ZFYVE9: variants seen among roughly 807,000 people sequenced by gnomAD.
The protein encoded by ZFYVE9 is zinc finger FYVE-type containing 9, also known as zinc finger FYVE domain-containing protein 9.
ZFYVE9 carries 43 observed loss-of-function variants against 126.7 expected under a neutral mutation model. That is an observed-to-expected ratio of 0.34 (90% CI 0.27 to 0.44). ZFYVE9 has a LOEUF of 0.44. ZFYVE9 is among the 20% of genes least tolerant of loss of function. The pLI is 1.00. For synonymous variants in ZFYVE9, 521 were observed against 597.4 expected, an observed-to-expected ratio of 0.87 and a Z score of 1.87; for missense variants, 1,476 against 1,697.0, an observed-to-expected ratio of 0.87 and a Z score of 2.29.
intron 18 of ZFYVE9, among the ~76,000 whole-genome samples, chr1:52,345,371 T>C (rs1208501922): frequency 6.6e-6 from 1 of 152,204 alleles, no homozygotes; most frequent in Non-Finnish European, 1.5e-5. Context: ...AGCAAGCTGC[T>C]TCTGGCCTGA....
At chr1:52,222,698 G>A (rs1645135069) in intron 2 of ZFYVE9, among the ~76,000 whole-genome samples, 1 of 152,206 alleles carries the variant, frequency 6.6e-6, no homozygotes, top group African/African-American at 2.4e-5. Flanking sequence ...TTCCCTGGTA[G>A]TTTTTAATTT....
At chr1:52,247,946 A>G (rs1373164809) in intron 4 of ZFYVE9, among the ~76,000 whole-genome samples, 1 of 152,170 alleles carries the variant, frequency 6.6e-6, no homozygotes, top group Admixed American at 6.5e-5. Context: ...TTGTGTCTAC[A>G]CATTTCATCC....
At chr1:52,257,685 A>G (rs762623843) in intron 4 of ZFYVE9, among the ~76,000 whole-genome samples, 106 of 152,298 alleles carry the variant, frequency 7.0e-4, no homozygotes, top group Non-Finnish European at 1.3e-3. Context: ...TCCTTCCCCA[A>G]AAAGTTTACA....
At chr1:52,201,706 C>T (rs982624704) in intron 1 of ZFYVE9, among the ~76,000 whole-genome samples, 11 of 151,914 alleles carry the variant, frequency 7.2e-5, no homozygotes, top group African/African-American at 2.7e-4. Flanking sequence ...TGCATTCCGA[C>T]AGTCTGTGTC....
At chr1:52,220,607 T>A (rs1375515173) in intron 2 of ZFYVE9, among the ~76,000 whole-genome samples, 1 of 152,208 alleles carries the variant, frequency 6.6e-6, no homozygotes, top group African/African-American at 2.4e-5. Flanking sequence ...CCTAGTACTC[T>A]ATACACCCAT....
At chr1:52,164,550 A>G (rs1644494803) in intron 1 of ZFYVE9, among the ~76,000 whole-genome samples, 1 of 151,970 alleles carries the variant, frequency 6.6e-6, no homozygotes, top group African/African-American at 2.4e-5. Context: ...CTATCTATCT[A>G]TCTATCTGTT....
At chr1:52,195,037 A>C (rs756612959) in intron 1 of ZFYVE9, among the ~76,000 whole-genome samples, 1 of 152,188 alleles carries the variant, frequency 6.6e-6, no homozygotes, top group Non-Finnish European at 1.5e-5. Context: ...TTTAAAATCC[A>C]TGGTAGTAAC....
chr1:52,184,030 A>C (rs1222648312), intron 1 of ZFYVE9, among the ~76,000 whole-genome samples: 1 of 150,978 alleles, frequency 6.6e-6, no homozygotes, highest in Non-Finnish European at 1.5e-5. Context: ...TTTAAAAGAC[A>C]CAGTAAGGTA....
At chr1:52,174,460 C>G (rs1194501208) in intron 1 of ZFYVE9, among the ~76,000 whole-genome samples, 1 of 152,158 alleles carries the variant, frequency 6.6e-6, no homozygotes, top group Non-Finnish European at 1.5e-5. Flanking sequence ...TGGTGTGGTG[C>G]TGAGAATAAT....
At chr1:52,313,014 A>G (rs1646152748) in intron 13 of ZFYVE9, among the ~76,000 whole-genome samples, 1 of 152,188 alleles carries the variant, frequency 6.6e-6, no homozygotes. Flanking sequence ...AGACACACAT[A>G]TAGGGAAGAT....
At position 52,242,702 on chromosome 1, in the gene ZFYVE9, A is replaced by G. The variant is rs554778101; in HGVS notation, c.2178+3107A>G. Among the ~76,000 whole-genome samples, 23 of 152,312 alleles carry G rather than the reference A, an allele frequency of 1.5e-4. No individual in the cohort carries two copies. In the South Asian group the frequency reaches 3.1e-3, roughly 21 times the overall value. On this transcript the variant is annotated intron_variant, in intron 4 of 18. Coordinates refer to ENST00000287727, the MANE Select transcript of ZFYVE9 (RefSeq NM_004799.4). ...AAAATGTTTCTTTCCCTAGTTTCTT[A>G]TGTACTGATGGGAATGAATAGATAT...
intron 10 of ZFYVE9, among the ~76,000 whole-genome samples, chr1:52,286,402 ATATC>A (rs1236798240): frequency 2.0e-5 from 3 of 152,192 alleles, no homozygotes; most frequent in Middle Eastern, 3.2e-3. Context: ...TGTGTGTTGT[ATATC>A]TATATATGTG....
intron 8 of ZFYVE9, among the ~76,000 whole-genome samples, chr1:52,274,816 G>C (rs1002312185): frequency 1.3e-5 from 2 of 151,926 alleles, no homozygotes; most frequent in Admixed American, 1.3e-4. Context: ...TACTTATAAT[G>C]TAAATGTAGT....
chr1:52,332,741 A>G, intron 13 of ZFYVE9, 27 bp from the exon 14 acceptor site: 1 of 1,598,468 alleles, frequency 6.3e-7, no homozygotes, highest in Non-Finnish European at 8.5e-7. Context: ...CATTCTTGTC[A>G]GAATAAGGTT....
At chr1:52,278,986 G>A (rs1175449148) in intron 9 of ZFYVE9, among the ~76,000 whole-genome samples, 2 of 151,900 alleles carry the variant, frequency 1.3e-5, no homozygotes, top group South Asian at 2.1e-4. Flanking sequence ...TGATCCGCCC[G>A]CCTCAGCCTC....
intron 16 of ZFYVE9, among the ~76,000 whole-genome samples, chr1:52,339,620 C>G (rs1646417534): frequency 6.6e-6 from 1 of 152,222 alleles, no homozygotes. Flanking sequence ...TTATTAGACT[C>G]CTAAGTTCCA....
chr1:52,248,223 C>G (rs974478416), intron 4 of ZFYVE9, among the ~76,000 whole-genome samples: 1 of 152,126 alleles, frequency 6.6e-6, no homozygotes, highest in African/African-American at 2.4e-5. Context: ...GGCCTAAGGC[C>G]TGAGAGACCC....
At position 52,239,372 on chromosome 1, in the gene ZFYVE9, A is replaced by G. The variant is rs1645310740; in HGVS notation, c.1955A>G (p.Tyr652Cys). 3 of 1,613,928 alleles carry G rather than the reference A, an allele frequency of 1.9e-6. No homozygotes were observed. Among genetic ancestry groups the G allele is most frequent in the Non-Finnish European group, 2.5e-6 (3 of 1,179,940 alleles). Residue 652 changes from tyrosine to cysteine, a missense_variant, in exon 4 of 19, where the codon TAT (tyrosine) becomes TGT (cysteine). Physicochemically the swap from Tyr to Cys is radical, Grantham distance 194. Transcript: ENST00000287727. ...ACAAATGGGGAACATTTAGAAAGTT[A>G]TGAGGCTGAGATCTCCACTAGACCA... is the stretch of plus-strand genomic sequence containing the variant. ...VDTNGEHLES[Y>C]EAEISTRPCL...
At chr1:52,180,078 T>C in intron 1 of ZFYVE9, 1 of 866,668 alleles carries the variant, frequency 1.2e-6, no homozygotes, top group Non-Finnish European at 2.0e-6. Flanking sequence ...ACTGGCTGAG[T>C]GGAAAGCAAC....
Sources: allele counts gnomAD v4.1 joint callset (sites outside exome capture counted in the v4.1 genomes callset), GRCh38; gene constraint gnomAD v4.1.1; transcripts MANE v1.5; gene names NCBI Gene and HGNC (gene_info 2026-07-23, HGNC 2026-07-21).